RPL4: variants seen among roughly 807,000 people sequenced by gnomAD.
RPL4 encodes large ribosomal subunit protein uL4.
In RPL4, 3 loss-of-function variants were observed where a neutral mutation model predicts 47.7. The ratio of observed to expected loss-of-function variants is 0.06; its 90% CI spans 0.03 to 0.16. RPL4 has a LOEUF of 0.16. RPL4 is among the 10% of genes least tolerant of loss of function. The probability of loss-of-function intolerance (pLI) is 1.00; values close to 1 mark genes in which losing one functional copy is unlikely to be tolerated. For missense variants in RPL4, 413 were observed against 551.3 expected, an observed-to-expected ratio of 0.75 and a Z score of 2.51; for synonymous variants, 208 against 182.1, an observed-to-expected ratio of 1.14 and a Z score of -1.15.
chr15:66,501,860 A>G lies in RPL4; in HGVS notation c.474T>C (p.Val158=), dbSNP rs1186454136. ...CTTCCTTGGTCTTCTTGTAGCCTTC[A>G]ACTTTATCTTCAACTACCAAAGGAA... is the stretch of plus-strand genomic sequence containing the variant. ...PELPLVVEDK[V]EGYKKTKEAV... is the part of the protein sequence containing the mutation. The change falls in exon 5 of 10, where the codon GTT becomes GTC. Residue 158 remains valine (V), a synonymous_variant. Transcript: ENST00000307961. 6.2e-7 allele frequency: 1 copy of G among 1,612,082 alleles called. No homozygotes were observed. Among genetic ancestry groups the G allele is most frequent in the African/African-American group, 1.3e-5 (1 of 74,872 alleles).
Position 66,499,376 on chromosome 15 carries a change from T to A in RPL4, c.*31A>T. On this transcript the variant is annotated 3_prime_UTR_variant, in exon 10 of 10. Coordinates refer to ENST00000307961, the MANE Select transcript of RPL4 (RefSeq NM_000968.4). ...TCAAAAGAAGCTGTCCAAAATGATTTGACCTTTATGGAATAATCAAATTTA... is the reference window on the plus strand; with the variant it reads ...TCAAAAGAAGCTGTCCAAAATGATTAGACCTTTATGGAATAATCAAATTTA... 1 of 1,581,928 alleles carries A rather than the reference T, an allele frequency of 6.3e-7. No individual in the cohort carries two copies. The highest frequency in any genetic ancestry group is 2.2e-5 in the East Asian group (1 of 44,752).
At position 66,503,518 on chromosome 15, in the gene RPL4, G is replaced by A; in HGVS notation, c.15C>T (p.Arg5=). The change falls in exon 2 of 10, where the codon CGC becomes CGT. Residue 5 remains arginine (R), a synonymous_variant. Transcript: ENST00000307961. The stretch of plus-strand genomic sequence containing the variant: ...TTTCGGAGTACACCGATATCAGTGG[G>A]CGAGCACACGCCTAAAGAAAAAGAC... MACA[R]PLISVYSEKG... 6.3e-7 allele frequency: 1 copy of A among 1,598,394 alleles called. No homozygotes were observed. Among genetic ancestry groups the A allele is most frequent in the Non-Finnish European group, 8.6e-7 (1 of 1,168,780 alleles).
At position 66,498,138 on chromosome 15, in the gene RPL4, C is replaced by T. The variant is rs752367133; in HGVS notation, c.*1269G>A. 4 of 211,454 alleles carry T rather than the reference C, an allele frequency of 1.9e-5. No homozygotes were observed. The highest frequency in any genetic ancestry group is 2.9e-5 in the Non-Finnish European group (3 of 103,410). 13.1% of individuals were successfully genotyped at this position (211,454 alleles called of 1,614,324 possible). On this transcript the variant is annotated 3_prime_UTR_variant, in exon 10 of 10. Transcript: ENST00000307961. ...GCCACCAAGTGGCTATCTTTAACCC[C>T]ACAAAACTTGCACATGTGTTTGAAG... is the stretch of plus-strand genomic sequence containing the variant.
At position 66,502,554 on chromosome 15, in the gene RPL4, T is replaced by A. The variant is rs1893642130; in HGVS notation, c.421+58A>T. 3.2e-6 allele frequency: 5 copies of A among 1,561,194 alleles called. No homozygotes were observed. The South Asian group carries it at 5.8e-5, about 18-fold the overall frequency. On this transcript the variant is annotated intron_variant, in intron 4 of 9. Coordinates refer to ENST00000307961, the MANE Select transcript of RPL4 (RefSeq NM_000968.4). Reference sequence around the variant, plus strand: ...CTGTGAATAAAAATCACCCTAATGATCAAATAGTAGGTGTCTTATTTCTTC... The same window carrying A: ...CTGTGAATAAAAATCACCCTAATGAACAAATAGTAGGTGTCTTATTTCTTC...
At chr15:66,503,272 G>T (rs138683313) in intron 2 of RPL4, 86 bp downstream of exon 2, 4 of 1,591,426 alleles carry the variant, frequency 2.5e-6, no homozygotes, top group African/African-American at 1.3e-5. Context: ...AAATCATGTG[G>T]TTCAGAAACA....
chr15:66,502,885 A>G (rs1893650682), intron 3 of RPL4, 135 bp from the exon 4 acceptor site: 2 of 1,427,960 alleles, frequency 1.4e-6, no homozygotes, highest in Non-Finnish European at 9.9e-7. Flanking sequence ...AGAACAGAGT[A>G]AGACGCAAAT....
Position 66,499,480 on chromosome 15 carries a change from G to A in RPL4, c.1211C>T (p.Thr404Ile), listed in dbSNP as rs779937992. Residue 404 changes from threonine (T) to isoleucine (I), a missense_variant, in exon 10 of 10, where the codon ACC becomes ATC. Physicochemically the swap from Thr to Ile is moderately conservative, Grantham distance 89. This residue lies in a region of RPL4 where 134 missense variants were observed against 122.7 expected (regional missense o/e 1.09). Coordinates refer to ENST00000307961, the MANE Select transcript of RPL4 (RefSeq NM_000968.4). ...CTTCTTTTCAGGGGCTGGTTTCTTG[G>A]TAGCTGCTGCCTTTTTTCCCACCAG... ...KPLVGKKAAA[T>I]KKPAPEKKPA... 1 of 1,611,952 alleles carries A rather than the reference G, an allele frequency of 6.2e-7. No individual in the cohort carries two copies. Among genetic ancestry groups the A allele is most frequent in the Non-Finnish European group, 8.5e-7 (1 of 1,179,856 alleles).
At position 66,503,527 on chromosome 15, in the gene RPL4, C is replaced by G; in HGVS notation, c.6G>C (p.Ala2=). M[A]CARPLISVYS... Reference sequence around the variant, plus strand: ...ACACCGATATCAGTGGGCGAGCACACGCCTAAAGAAAAAGACAAGGATTAT... The same window carrying G: ...ACACCGATATCAGTGGGCGAGCACAGGCCTAAAGAAAAAGACAAGGATTAT... Residue 2 remains alanine (A), a splice_region_variant and synonymous_variant, in exon 2 of 10, where the codon GCG becomes GCC. Transcript: ENST00000307961. 1 of 1,581,594 alleles carries G rather than the reference C, an allele frequency of 6.3e-7. No individual in the cohort carries two copies. The highest frequency in any genetic ancestry group is 8.6e-7 in the Non-Finnish European group (1 of 1,161,112).
Position 66,499,142 on chromosome 15 carries a change from T to G in RPL4, c.*265A>C, listed in dbSNP as rs967292906. On this transcript the variant is annotated 3_prime_UTR_variant, in exon 10 of 10. Transcript: ENST00000307961. ...TACACCTATTTTTCAAGCCACATTA[T>G]TTAGAAAACCACAACTTTTTTTAAA... 1 of 372,166 alleles carries G rather than the reference T, an allele frequency of 2.7e-6. No homozygotes were observed. The highest frequency in any genetic ancestry group is 2.1e-5 in the African/African-American group (1 of 47,558). The allele number at this position is 372,166 out of a possible 1,614,324, so 23.1% of individuals were successfully genotyped here. A position where few individuals can be genotyped will look rare whatever the true frequency, so the allele number is the denominator to read the frequency against.
chr15:66,500,771 A>T (rs998428304), intron 7 of RPL4, 178 bp downstream of exon 7: 1 of 704,514 alleles, frequency 1.4e-6, no homozygotes, highest in South Asian at 2.0e-5. Flanking sequence ...GAGACAGAAC[A>T]ACTCTGTCTC....
At position 66,500,081 on chromosome 15, in the gene RPL4, T is replaced by G; in HGVS notation, c.1013A>C (p.Asn338Thr). The change falls in exon 9 of 10, where the codon AAC becomes ACC. Residue 338 changes from asparagine (N) to threonine (T), a missense_variant. By Grantham distance (65) the Asn-to-Thr change is moderately conservative (BLOSUM62 0). Coordinates refer to ENST00000307961, the MANE Select transcript of RPL4 (RefSeq NM_000968.4). ...LNPYAKTMRRNTILRQARNHK... is the reference protein window; with the variant it reads ...LNPYAKTMRRTTILRQARNHK... The stretch of plus-strand genomic sequence containing the variant: ...ATTCCTGGCCTGGCGAAGAATGGTG[T>G]TCCGGCGCATGGTCTTTGCATATGG... 2 of 1,612,032 alleles carry G rather than the reference T, an allele frequency of 1.2e-6. No individual in the cohort carries two copies. Among genetic ancestry groups the G allele is most frequent in the Non-Finnish European group, 1.7e-6 (2 of 1,179,832 alleles).
chr15:66,501,475 G>A lies in RPL4; in HGVS notation c.576C>T (p.Gly192=), dbSNP rs763591992. Reference sequence around the variant, plus strand: ...GGCGACGGTTTCTCATTTTGCCTTTGCCAGCTCTCATTCGCTGAGAGGCAT... The same window carrying A: ...GGCGACGGTTTCTCATTTTGCCTTTACCAGCTCTCATTCGCTGAGAGGCAT... The part of the protein sequence containing the change: ...KVYASQRMRA[G]KGKMRNRRRI... The change falls in exon 6 of 10, where the codon GGC becomes GGT. Residue 192 remains glycine (G), a synonymous_variant. Coordinates refer to ENST00000307961, the MANE Select transcript of RPL4 (RefSeq NM_000968.4). 4 of 1,614,142 alleles carry A rather than the reference G, an allele frequency of 2.5e-6. No homozygotes were observed. The highest frequency in any genetic ancestry group is 2.5e-6 in the Non-Finnish European group (3 of 1,180,032).
chr15:66,499,977 C>G (rs2140712050), intron 9 of RPL4, 79 bp downstream of exon 9: 1 of 1,549,252 alleles, frequency 6.5e-7, no homozygotes, highest in East Asian at 2.3e-5. Context: ...GAGCTGAGAT[C>G]ACGCCATTGC....
At position 66,501,828 on chromosome 15, in the gene RPL4, A is replaced by G. The variant is rs1202774961; in HGVS notation, c.506T>C (p.Leu169Ser). 1 of 1,611,808 alleles carries G rather than the reference A, an allele frequency of 6.2e-7. No individual in the cohort carries two copies. Among genetic ancestry groups the G allele is most frequent in the East Asian group, 2.2e-5 (1 of 44,882 alleles). Residue 169 changes from leucine to serine, a missense_variant, in exon 5 of 10, where the codon TTG becomes TCG. Physicochemically the swap from Leu to Ser is moderately radical, Grantham distance 145. Around this residue, in one of 4 missense-constraint regions of RPL4, gnomAD observed 214 missense variants for 304.2 expected, o/e 0.70. Transcript: ENST00000307961. Reference protein sequence around the residue: ...EGYKKTKEAVLLLKKLKAWND... With the variant: ...EGYKKTKEAVSLLKKLKAWND... ...CCAGGCTTTAAGTTTCTTAAGGAGC[A>G]AAACAGCTTCCTTGGTCTTCTTGTA... is the stretch of plus-strand genomic sequence containing the variant.
At chr15:66,501,334 G>A in intron 6 of RPL4, 41 bp downstream of exon 6, 1 of 1,612,960 alleles carries the variant, frequency 6.2e-7, no homozygotes, top group Non-Finnish European at 8.5e-7. Flanking sequence ...GAGTAGACTT[G>A]CAGAGTATAC....
intron 7 of RPL4, 52 bp downstream of exon 7, chr15:66,500,897 T>C (rs1893597083): frequency 7.0e-6 from 11 of 1,575,252 alleles, no homozygotes; most frequent in Non-Finnish European, 9.5e-6. Context: ...CAATTCTGAA[T>C]GTTAATATCC....
rs1567033546 is a variant in RPL4 at position 66,499,418 on chromosome 15, G to A, written c.1273C>T (p.Pro425Ser). ...EKKPTTEEKK[P>S]AA ...TCAAATTTAAGAGTTTATGCAGCAG[G>A]CTTCTTCTCCTCTGTAGTAGGTTTC... is the stretch of plus-strand genomic sequence containing the variant. The change falls in exon 10 of 10, where the codon CCT (proline) becomes TCT (serine). Residue 425 changes from proline (P) to serine (S), a missense_variant. Coordinates refer to ENST00000307961, the MANE Select transcript of RPL4 (RefSeq NM_000968.4). 5.0e-6 allele frequency: 8 copies of A among 1,606,494 alleles called. No homozygotes were observed. In the East Asian group the frequency reaches 8.9e-5, roughly 18 times the overall value.
chr15:66,501,709 C>T (rs1248799327), intron 5 of RPL4, 79 bp downstream of exon 5: 4 of 1,573,166 alleles, frequency 2.5e-6, no homozygotes, highest in Non-Finnish European at 3.4e-6. Context: ...ATTAGCTATA[C>T]TGCCCTTATC....
chr15:66,500,386 A>G lies in RPL4; in HGVS notation c.834-10T>C. 1 of 1,611,008 alleles carries G rather than the reference A, an allele frequency of 6.2e-7. No individual in the cohort carries two copies. The highest frequency in any genetic ancestry group is 8.5e-7 in the Non-Finnish European group (1 of 1,177,584). On this transcript the variant is annotated splice_polypyrimidine_tract_variant and intron_variant, in intron 7 of 9. Coordinates refer to ENST00000307961, the MANE Select transcript of RPL4 (RefSeq NM_000968.4). ...CTTGTGCATGGGAAGACTGAAAGGG[A>G]AAAGATTGACATGTACATGTAAAAG...
Sources: gnomAD v4.1 joint callset for allele counts on GRCh38, gnomAD v4.1.1 for gene constraint, gnomAD v4.1.1 regional missense constraint, MANE v1.5 for transcripts, NCBI Gene and HGNC (gene_info 2026-07-23, HGNC 2026-07-21) for gene names.